LDLRAD4: variants seen among roughly 807,000 people sequenced by gnomAD.
LDLRAD4 encodes the protein low density lipoprotein receptor class A domain containing 4, also known as low-density lipoprotein receptor class A domain-containing protein 4.
LDLRAD4 carries 5 observed loss-of-function variants against 17.0 expected under a neutral mutation model. The observed-to-expected ratio is 0.29, with a 90% CI of 0.15 to 0.62. LDLRAD4 has a LOEUF of 0.62. Ranked by LOEUF, LDLRAD4 falls within the 20% of genes least tolerant of loss-of-function variation. LDLRAD4 has a pLI of 0.84. For missense variants in LDLRAD4, 340 were observed against 424.7 expected (o/e 0.80, Z 1.75); for synonymous variants, 168 against 171.8 (o/e 0.98, Z 0.17).
chr18:13,324,899 G>A (rs1048041078), intron 1 of LDLRAD4, among the ~76,000 whole-genome samples: 4 of 152,174 alleles, frequency 2.6e-5, no homozygotes, highest in South Asian at 4.1e-4. Context: ...TTTGATTTTC[G>A]CTCACTGAAT....
intron 3 of LDLRAD4, among the ~76,000 whole-genome samples, chr18:13,478,329 T>G (rs1266483920): frequency 6.6e-6 from 1 of 152,196 alleles, no homozygotes; most frequent in Non-Finnish European, 1.5e-5. Context: ...CCCTAGAAGG[T>G]CAGGATTAAC....
chr18:13,533,012 T>C (rs568549981), intron 3 of LDLRAD4, among the ~76,000 whole-genome samples: 1 of 152,358 alleles, frequency 6.6e-6, no homozygotes, highest in East Asian at 1.9e-4. Context: ...GGAAATAGTG[T>C]GCCAGTGTTT....
intron 3 of LDLRAD4, among the ~76,000 whole-genome samples, chr18:13,510,310 C>T (rs954407391): frequency 1.3e-5 from 2 of 151,976 alleles, no homozygotes; most frequent in African/African-American, 4.8e-5. Flanking sequence ...TAGCTAAATC[C>T]CAGGAGTCAG....
At chr18:13,381,076 GT>G (rs759672017) in intron 1 of LDLRAD4, among the ~76,000 whole-genome samples, 75 of 128,442 alleles carry the variant, frequency 5.8e-4, no homozygotes, top group South Asian at 9.8e-4. Context: ...TTTCTCTTTA[GT>G]TTTTTTTTTT....
chr18:13,635,317 A>T (rs966043815), intron 4 of LDLRAD4, among the ~76,000 whole-genome samples: 3 of 152,170 alleles, frequency 2.0e-5, no homozygotes, highest in Admixed American at 1.3e-4. Flanking sequence ...GCCTCTTCTT[A>T]TAAGGGTACT....
intron 1 of LDLRAD4, among the ~76,000 whole-genome samples, chr18:13,271,923 G>C (rs1426885035): frequency 1.7e-5 from 2 of 115,744 alleles, no homozygotes; most frequent in Non-Finnish European, 1.7e-5. Context: ...TTTTTAAGAC[G>C]GAGTCTTGCT....
In LDLRAD4 at chr18:13,627,929, T is replaced by C. The variant is rs78329754; in HGVS notation, c.336+6658T>C. ...TCAGAACTCACAGTGAGGGGACCTC[T>C]GGGTGTGCCATATGTGACGAGTGCC... On this transcript the variant is annotated intron_variant, in intron 4 of 5. Coordinates refer to ENST00000359446, the Ensembl canonical transcript of LDLRAD4. 1.1e-3 allele frequency among the ~76,000 whole-genome samples: 162 copies of C among 152,312 alleles called. 3 individuals carry two copies. The East Asian group carries it at 0.023, about 21-fold the overall frequency.
intron 2 of LDLRAD4, chr18:13,419,501 A>G (rs2089250436): frequency 6.6e-6 from 1 of 152,174 alleles, no homozygotes; most frequent in African/African-American, 2.4e-5. Flanking sequence ...AACCTATCTG[A>G]GAGTCTTTTA....
At chr18:13,253,871 G>T (rs2043357889) in intron 1 of LDLRAD4, among the ~76,000 whole-genome samples, 1 of 152,194 alleles carries the variant, frequency 6.6e-6, no homozygotes, top group African/African-American at 2.4e-5. Context: ...TGGCAGGATG[G>T]TGGCGCCTCC....
chr18:13,553,940 G>A (rs2094459687), intron 3 of LDLRAD4, among the ~76,000 whole-genome samples: 1 of 152,088 alleles, frequency 6.6e-6, no homozygotes, highest in Admixed American at 6.6e-5. Flanking sequence ...ATTAGTGAGT[G>A]ACCTCCCCAT....
intron 3 of LDLRAD4, among the ~76,000 whole-genome samples, chr18:13,511,306 G>A (rs371464480): frequency 1.3e-5 from 2 of 152,124 alleles, no homozygotes; most frequent in East Asian, 1.9e-4. Context: ...AGGCTGAGGC[G>A]GGCGGATCAT....
At chr18:13,559,803 G>A (rs1189225114) in intron 3 of LDLRAD4, among the ~76,000 whole-genome samples, 2 of 152,210 alleles carry the variant, frequency 1.3e-5, no homozygotes, top group Admixed American at 6.5e-5. Context: ...CCTGGACTCA[G>A]TTGCCCATGG....
chr18:13,263,378 G>C (rs967635390), intron 1 of LDLRAD4, among the ~76,000 whole-genome samples: 10 of 151,984 alleles, frequency 6.6e-5, no homozygotes, highest in Non-Finnish European at 1.3e-4. Context: ...GACTCTATGT[G>C]TGGGGCTGAG....
chr18:13,520,326 G>T (rs991854792), intron 3 of LDLRAD4: 1 of 152,164 alleles, frequency 6.6e-6, no homozygotes, highest in African/African-American at 2.4e-5. Context: ...TAGCAGTGGG[G>T]TATAGAATAA....
At chr18:13,246,631 G>A (rs2042968677) in intron 1 of LDLRAD4, among the ~76,000 whole-genome samples, 1 of 152,228 alleles carries the variant, frequency 6.6e-6, no homozygotes, top group South Asian at 2.1e-4. Context: ...GTGGGCAGGA[G>A]TCTGTAAGGA....
At chr18:13,556,865 C>T (rs1180130973) in intron 3 of LDLRAD4, among the ~76,000 whole-genome samples, 2 of 152,136 alleles carry the variant, frequency 1.3e-5, no homozygotes, top group African/African-American at 4.8e-5. Context: ...TGTCAAGTTG[C>T]TCTTTTCCCC....
intron 3 of LDLRAD4, among the ~76,000 whole-genome samples, chr18:13,491,833 C>G (rs1228151213): frequency 6.6e-6 from 1 of 152,156 alleles, no homozygotes; most frequent in Non-Finnish European, 1.5e-5. Context: ...TGGGTCTGCA[C>G]CACGTCAGGC....
At chr18:13,464,697 T>A (rs1163014879) in intron 3 of LDLRAD4, among the ~76,000 whole-genome samples, 1 of 151,776 alleles carries the variant, frequency 6.6e-6, no homozygotes, top group Non-Finnish European at 1.5e-5. Context: ...GAAATGCCCT[T>A]TAGGGCTGAC....
At chr18:13,329,925 A>C (rs1169330762) in intron 1 of LDLRAD4, among the ~76,000 whole-genome samples, 1 of 150,464 alleles carries the variant, frequency 6.6e-6, no homozygotes, top group Admixed American at 6.6e-5. Context: ...GGCTTTCTAC[A>C]TGTATCCTTA....
Sources: allele counts gnomAD v4.1 joint callset (sites outside exome capture counted in the v4.1 genomes callset), GRCh38; gene constraint gnomAD v4.1.1; transcripts MANE v1.5; gene names NCBI Gene and HGNC (gene_info 2026-07-23, HGNC 2026-07-21).